Variants in SLC4A7 observed in about 807,000 individuals in gnomAD.
SLC4A7 encodes the protein sodium bicarbonate cotransporter 3.
A neutral mutation model predicts 137.6 loss-of-function variants in SLC4A7; 51 were observed. That is an observed-to-expected ratio of 0.37 (90% CI 0.30 to 0.47). The LOEUF (loss-of-function observed/expected upper bound fraction) is 0.47. SLC4A7 is among the 20% of genes least tolerant of loss of function. The pLI, the probability that SLC4A7 is intolerant of heterozygous loss-of-function variation, is 1.00. For synonymous variants in SLC4A7, 542 were observed against 518.6 expected (o/e 1.05, Z -0.61); for missense variants, 1,247 against 1,525.4 (o/e 0.82, Z 3.04).
intron 1 of SLC4A7, among the ~76,000 whole-genome samples, chr3:27,471,377 C>A (rs2059239331): frequency 6.6e-6 from 1 of 152,174 alleles, no homozygotes; most frequent in South Asian, 2.1e-4. Flanking sequence ...AGCCCCATAG[C>A]TATTCAGATT....
intron 19 of SLC4A7, 80 bp downstream of exon 19, chr3:27,394,874 T>C: frequency 6.5e-7 from 1 of 1,536,376 alleles, no homozygotes; most frequent in Non-Finnish European, 8.8e-7. Context: ...TCATCTTACA[T>C]CTTTTAATGT....
At chr3:27,464,319 G>A (rs1391330002) in intron 1 of SLC4A7, among the ~76,000 whole-genome samples, 1 of 152,208 alleles carries the variant, frequency 6.6e-6, no homozygotes, top group Non-Finnish European at 1.5e-5. Flanking sequence ...TCTCTAGAGA[G>A]ATTAAAGATC....
At chr3:27,403,454 T>C in intron 14 of SLC4A7, 70 bp from the exon 15 acceptor site, 1 of 1,030,880 alleles carries the variant, frequency 9.7e-7, no homozygotes, top group African/African-American at 1.6e-5. Context: ...AATTTTTCAT[T>C]GCAAGCAATG....
chr3:27,437,148 C>T (rs577008556), intron 4 of SLC4A7, among the ~76,000 whole-genome samples: 24 of 152,162 alleles, frequency 1.6e-4, no homozygotes, highest in Middle Eastern at 6.8e-3. Context: ...GTCAGGAGTT[C>T]GAGACCAGCC....
Position 27,402,628 on chromosome 3 carries a change from G to A in SLC4A7, c.2321+511C>T, listed in dbSNP as rs1004823939. 5.9e-5 allele frequency among the ~76,000 whole-genome samples: 9 copies of A among 151,848 alleles called. No individual in the cohort carries two copies. In the South Asian group the frequency reaches 1.2e-3, roughly 21 times the overall value. ...GCAGGAAGATCACTTGAACCTGGGA[G>A]GCAGAGGCTGCAGTTAGCTGAGATT... On this transcript the variant is annotated intron_variant, in intron 15 of 25. Coordinates refer to ENST00000454389, the MANE Select transcript of SLC4A7 (RefSeq NM_001321103.2).
At chr3:27,377,175 G>A (rs1191799134) in intron 25 of SLC4A7, among the ~76,000 whole-genome samples, 2 of 152,042 alleles carry the variant, frequency 1.3e-5, no homozygotes, top group Non-Finnish European at 2.9e-5. Flanking sequence ...GTTATAGCAT[G>A]AGACTTTTAC....
intron 7 of SLC4A7, among the ~76,000 whole-genome samples, chr3:27,426,385 G>A (rs1288849122): frequency 1.3e-5 from 2 of 152,132 alleles, no homozygotes; most frequent in Non-Finnish European, 2.9e-5. Flanking sequence ...GAGATAAAAA[G>A]TTAACCAGTG....
chr3:27,471,296 TG>T (rs1423024726), intron 1 of SLC4A7, among the ~76,000 whole-genome samples: 1 of 152,250 alleles, frequency 6.6e-6, no homozygotes, highest in African/African-American at 2.4e-5. Flanking sequence ...AATGAATATT[TG>T]GGGTATATCC....
chr3:27,411,553 T>C (rs890978731), intron 12 of SLC4A7, 89 bp downstream of exon 12: 5 of 568,504 alleles, frequency 8.8e-6, no homozygotes, highest in Non-Finnish European at 1.4e-5. Context: ...TGTACAAGAT[T>C]AGGTTCCAAA....
intron 23 of SLC4A7, among the ~76,000 whole-genome samples, chr3:27,384,114 T>C (rs2050704857): frequency 6.6e-6 from 1 of 152,122 alleles, no homozygotes; most frequent in Non-Finnish European, 1.5e-5. Context: ...ATATTTCTTT[T>C]CCTTATTAAT....
intron 22 of SLC4A7, 67 bp downstream of exon 22, chr3:27,389,864 A>G (rs1272454298): frequency 8.6e-7 from 1 of 1,166,446 alleles, no homozygotes; most frequent in Non-Finnish European, 1.2e-6. Context: ...TCAATTATAA[A>G]TATTAATAAA....
intron 2 of SLC4A7, among the ~76,000 whole-genome samples, chr3:27,451,713 G>A (rs1576555401): frequency 6.6e-6 from 1 of 152,094 alleles, no homozygotes; most frequent in East Asian, 1.9e-4. Context: ...GGAAAAACTA[G>A]TGAAGCCTAA....
chr3:27,381,644 G>T (rs984847184), intron 24 of SLC4A7, among the ~76,000 whole-genome samples: 1 of 150,862 alleles, frequency 6.6e-6, no homozygotes, highest in African/African-American at 2.4e-5. Context: ...TGTTACTCCT[G>T]TAAAAGCTAT....
intron 10 of SLC4A7, among the ~76,000 whole-genome samples, chr3:27,420,397 G>A (rs1036060874): frequency 6.6e-6 from 1 of 151,814 alleles, no homozygotes; most frequent in Non-Finnish European, 1.5e-5. Context: ...AAAACCTAGA[G>A]AAATGATATG....
At chr3:27,458,726 C>T (rs1171349565) in intron 1 of SLC4A7, among the ~76,000 whole-genome samples, 3 of 152,196 alleles carry the variant, frequency 2.0e-5, no homozygotes, top group Non-Finnish European at 4.4e-5. Context: ...CAAGGTGGCT[C>T]ATGCCAGTAA....
intron 18 of SLC4A7, among the ~76,000 whole-genome samples, chr3:27,395,529 G>A (rs1452600178): frequency 6.6e-6 from 1 of 152,152 alleles, no homozygotes; most frequent in Non-Finnish European, 1.5e-5. Context: ...CTTTCTTGAG[G>A]ATAAGACTAT....
rs565315672 is a variant in SLC4A7 at position 27,483,953 on chromosome 3, G to A, written c.60+114C>T. 3.5e-5 allele frequency: 27 copies of A among 780,696 alleles called. No individual in the cohort carries two copies. In the South Asian group the frequency reaches 1.4e-3, roughly 40 times the overall value. The allele number at this position is 780,696 out of a possible 1,614,324, so 48.4% of individuals were successfully genotyped here. A position where few individuals can be genotyped will look rare whatever the true frequency, so the allele number is the denominator to read the frequency against. ...GCCGGCCGCCGGGAGGTGGAGGGGC[G>A]ACGGGCCTGGGACGAGGTGGCCGAG... On this transcript the variant is annotated intron_variant, in intron 1 of 25. Transcript: ENST00000454389.
chr3:27,444,614 C>T (rs1029865824), intron 3 of SLC4A7, among the ~76,000 whole-genome samples: 16 of 152,100 alleles, frequency 1.1e-4, no homozygotes, highest in Non-Finnish European at 2.2e-4. Flanking sequence ...GTGTGTTTTC[C>T]ATTTCAGATA....
At chr3:27,437,347 A>T (rs1419796250) in intron 4 of SLC4A7, 41 bp downstream of exon 4, 1 of 1,408,978 alleles carries the variant, frequency 7.1e-7, no homozygotes, top group East Asian at 2.6e-5. Context: ...GCAAAACTCC[A>T]TCTCAAAAAA....
Sources: allele counts gnomAD v4.1 joint callset (sites outside exome capture counted in the v4.1 genomes callset), GRCh38; gene constraint gnomAD v4.1.1; transcripts MANE v1.5; gene names NCBI Gene and HGNC (gene_info 2026-07-23, HGNC 2026-07-21).